Variants in GIGYF2 observed in about 807,000 individuals in gnomAD.
The protein encoded by GIGYF2 is GRB10-interacting GYF protein 2.
Under a neutral mutation model 208.1 loss-of-function variants are expected in GIGYF2, and 25 were observed. That is an observed-to-expected ratio of 0.12 (90% CI 0.09 to 0.17). The LOEUF is 0.17. Among genes scored for constraint, GIGYF2 ranks in the 10% least tolerant of loss-of-function variants. The pLI is 1.00. For missense variants in GIGYF2, 1,302 were observed against 1,579.4 expected (o/e 0.82, Z 2.98); for synonymous variants, 534 against 543.8 (o/e 0.98, Z 0.25).
intron 8 of GIGYF2, among the ~76,000 whole-genome samples, chr2:232,783,512 T>C (rs1699789517): frequency 6.6e-6 from 1 of 152,210 alleles, no homozygotes; most frequent in Non-Finnish European, 1.5e-5. Flanking sequence ...TGAAGTAGCC[T>C]GAATTTACAA....
intron 21 of GIGYF2, among the ~76,000 whole-genome samples, chr2:232,832,445 T>C (rs1160168876): frequency 6.6e-6 from 1 of 152,210 alleles, no homozygotes; most frequent in African/African-American, 2.4e-5. Flanking sequence ...AAAGTTGCTT[T>C]GGTTCCAGAA....
At chr2:232,717,853 C>T (rs555817011) in intron 2 of GIGYF2, among the ~76,000 whole-genome samples, 16 of 152,174 alleles carry the variant, frequency 1.1e-4, no homozygotes, top group African/African-American at 3.9e-4. Flanking sequence ...CCAAGGCATT[C>T]ATGAGGGATC....
At chr2:232,785,510 A>G (rs1448296536) in intron 8 of GIGYF2, among the ~76,000 whole-genome samples, 1 of 152,238 alleles carries the variant, frequency 6.6e-6, no homozygotes, top group Non-Finnish European at 1.5e-5. Flanking sequence ...TCCTTCAGAG[A>G]AAGTGTCCAA....
intron 2 of GIGYF2, among the ~76,000 whole-genome samples, chr2:232,734,096 AT>A (rs892792144): frequency 1.7e-5 from 2 of 117,828 alleles, no homozygotes; most frequent in Non-Finnish European, 3.7e-5. Flanking sequence ...TATTTTATTT[AT>A]TTATTTTAAA....
At chr2:232,811,433 G>T (rs1700732169) in intron 17 of GIGYF2, 82 bp downstream of exon 17, 3 of 854,368 alleles carry the variant, frequency 3.5e-6, no homozygotes, top group Middle Eastern at 4.3e-4. Flanking sequence ...CTGGTATAGT[G>T]TGTGATTTCT....
intron 7 of GIGYF2, 26 bp from the exon 8 acceptor site, chr2:232,761,370 T>G: frequency 6.4e-7 from 1 of 1,558,062 alleles, no homozygotes; most frequent in Non-Finnish European, 8.9e-7. Flanking sequence ...TGAGACTTTG[T>G]TTGAAACTTA....
At chr2:232,811,146 T>A (rs1700722015) in intron 16 of GIGYF2, 98 bp from the exon 17 acceptor site, 2 of 720,626 alleles carry the variant, frequency 2.8e-6, no homozygotes, top group Non-Finnish European at 5.1e-6. Flanking sequence ...TAATAATGTC[T>A]CCTGGGGGGC....
intron 21 of GIGYF2, among the ~76,000 whole-genome samples, chr2:232,830,121 C>A (rs1701383475): frequency 6.6e-6 from 1 of 152,108 alleles, no homozygotes; most frequent in South Asian, 2.1e-4. Flanking sequence ...CCTGGGACTG[C>A]AGGCACATGC....
At chr2:232,754,639 C>T (rs962217494) in intron 5 of GIGYF2, among the ~76,000 whole-genome samples, 1 of 152,018 alleles carries the variant, frequency 6.6e-6, no homozygotes, top group Non-Finnish European at 1.5e-5. Context: ...TATTTTGGGA[C>T]CTCATACTGT....
chr2:232,778,919 C>T (rs1699619426), intron 8 of GIGYF2, among the ~76,000 whole-genome samples: 1 of 152,106 alleles, frequency 6.6e-6, no homozygotes, highest in African/African-American at 2.4e-5. Context: ...TTAATCTTCC[C>T]TGATTGATGA....
At chr2:232,760,698 A>T (rs1698714843) in intron 7 of GIGYF2, 107 bp downstream of exon 7, 5 of 725,238 alleles carry the variant, frequency 6.9e-6, no homozygotes, top group Non-Finnish European at 1.2e-5. Flanking sequence ...GTTTCATTTT[A>T]AAAAATGCTC....
At position 232,847,434 on chromosome 2, in the gene GIGYF2, G is replaced by C. The variant is rs765270901; in HGVS notation, c.3547G>C (p.Glu1183Gln). ...CAGGGCCTATTTAGGAGATACTTCT[G>C]AGGCCAAGGAGTTTGCCAAGCAGTT... ...YIRAYLGDTS[E>Q]AKEFAKQFLE... The change falls in exon 27 of 29, where the codon GAG (glutamate) becomes CAG (glutamine). Residue 1183 changes from glutamate to glutamine, a missense_variant. Glu to Gln is a conservative substitution (Grantham distance 29). Transcript: ENST00000373563. The C allele has an allele frequency of 6.2e-7, 1 of 1,613,958 alleles. No homozygotes were observed. Among genetic ancestry groups the C allele is most frequent in the South Asian group, 1.1e-5 (1 of 91,066 alleles).
chr2:232,801,984 T>C (rs1369497918), intron 14 of GIGYF2, among the ~76,000 whole-genome samples: 2 of 152,232 alleles, frequency 1.3e-5, no homozygotes, highest in African/African-American at 4.8e-5. Context: ...TACAAGATTT[T>C]TACATCCTTG....
chr2:232,843,463 C>T (rs1045389856), intron 23 of GIGYF2, among the ~76,000 whole-genome samples: 6 of 149,774 alleles, frequency 4.0e-5, no homozygotes, highest in South Asian at 2.1e-4. Context: ...CTCAGGAGGC[C>T]GAGGCAGGAG....
intron 23 of GIGYF2, 154 bp from the exon 24 acceptor site, chr2:232,843,892 C>A: frequency 1.4e-6 from 1 of 698,854 alleles, no homozygotes; most frequent in Non-Finnish European, 2.6e-6. Context: ...ATACTGTTAG[C>A]GATTTACATT....
At chr2:232,802,477 CAATT>C (rs908902376) in intron 14 of GIGYF2, among the ~76,000 whole-genome samples, 1 of 152,078 alleles carries the variant, frequency 6.6e-6, no homozygotes, top group African/African-American at 2.4e-5. Context: ...ACTTCTGTGT[CAATT>C]AAGATGACCA....
rs143875214 is a variant in GIGYF2 at position 232,726,265 on chromosome 2, A to G, written c.-43-8890A>G. ...GCGCCTGTAATCCCAGCTACTGGGG[A>G]GACTGAGGCAGAAGACTCGCTTGAA... On this transcript the variant is annotated intron_variant, in intron 2 of 28. Transcript: ENST00000373563. Among the ~76,000 whole-genome samples the G allele has an allele frequency of 8.8e-3, 1,336 of 151,460 alleles. 35 individuals are homozygous for G. Among genetic ancestry groups the G allele is most frequent in the Admixed American group, 0.056 (843 of 15,158 alleles).
chr2:232,739,937 T>TTA (rs1697907759), intron 3 of GIGYF2, among the ~76,000 whole-genome samples: 2 of 111,658 alleles, frequency 1.8e-5, no homozygotes, highest in South Asian at 6.8e-4. Context: ...CCATCTCTGC[T>TTA]AAAAAAAAAA....
intron 21 of GIGYF2, among the ~76,000 whole-genome samples, chr2:232,827,076 GGCCTCAAA>G (rs1296634351): frequency 6.6e-6 from 1 of 152,196 alleles, no homozygotes; most frequent in Non-Finnish European, 1.5e-5. Flanking sequence ...CTCAGTGCCT[GGCCTCAAA>G]GCCTCAAAGG....
Sources: gnomAD v4.1 joint callset for allele counts (sites outside exome capture counted in the v4.1 genomes callset) on GRCh38, gnomAD v4.1.1 for gene constraint, MANE v1.5 for transcripts, NCBI Gene and HGNC (gene_info 2026-07-23, HGNC 2026-07-21) for gene names.